The following RNF213 variants were observed in gnomAD, a reference collection of about 807,000 sequenced individuals.
RNF213 encodes the protein E3 ubiquitin-protein ligase RNF213.
Under a neutral mutation model 514.4 loss-of-function variants are expected in RNF213, and 341 were observed. That is an observed-to-expected ratio of 0.66 (90% CI 0.61 to 0.73). The LOEUF is 0.73. RNF213 is among the 30% of genes least tolerant of loss of function. The probability of loss-of-function intolerance (pLI) is 0.00; values close to 1 mark genes in which losing one functional copy is unlikely to be tolerated. For missense variants in RNF213, 5,767 were observed against 6,615.6 expected, an observed-to-expected ratio of 0.87 and a Z score of 4.45; for synonymous variants, 2,655 against 2,658.2, an observed-to-expected ratio of 1.00 and a Z score of 0.04.
At position 80,351,789 on chromosome 17, in the gene RNF213, TG is replaced by T; in HGVS notation, c.10292del (p.Gly3431AlafsTer25). On this transcript the variant is annotated frameshift_variant, in exon 32 of 68. Transcript: ENST00000582970. LOFTEE classifies it high-confidence loss of function. ...CGGGTGGGAAGAGGAACAGCCTATG[TG>T]GGCTTCCACGGAGGTGAGATCAGAA... The part of the protein sequence containing the change: ...LSRVGRGTAY[V>X]GFHGGLWQSV... 1 of 1,581,860 alleles carries T rather than the reference TG, an allele frequency of 6.3e-7. No individual in the cohort carries two copies. Among genetic ancestry groups the T allele is most frequent in the Non-Finnish European group, 8.7e-7 (1 of 1,150,590 alleles).
intron 2 of RNF213, among the ~76,000 whole-genome samples, chr17:80,267,820 TTTTC>T (rs1395298382): frequency 2.8e-5 from 2 of 71,482 alleles, no homozygotes; most frequent in African/African-American, 1.2e-4. Context: ...GCAGATTTTC[TTTTC>T]TTTTTTTTTT....
At position 80,337,976 on chromosome 17, in the gene RNF213, G is replaced by A. The variant is rs1046273810; in HGVS notation, c.4812G>A (p.Thr1604=). 1.7e-5 allele frequency: 26 copies of A among 1,537,188 alleles called. No homozygotes were observed. Among genetic ancestry groups the A allele is most frequent in the Middle Eastern group, 1.7e-4 (1 of 6,012 alleles). Residue 1604 remains threonine, a synonymous_variant, in exon 25 of 68, where the codon ACG becomes ACA. Transcript: ENST00000582970. ...LMSGKKDRNN[T]EVERFSEVFC... ...CTGGCAAGAAGGATCGTAACAACACGGAAGTGGAGAGGTTTTCAGAGGTGA... is the reference window on the plus strand; with the variant it reads ...CTGGCAAGAAGGATCGTAACAACACAGAAGTGGAGAGGTTTTCAGAGGTGA...
chr17:80,371,967 C>G lies in RNF213; in HGVS notation c.12519C>G (p.Leu4173=). 1 of 1,580,274 alleles carries G rather than the reference C, an allele frequency of 6.3e-7. No homozygotes were observed. The highest frequency in any genetic ancestry group is 8.7e-7 in the Non-Finnish European group (1 of 1,149,184). The part of the protein sequence containing the change: ...ITEDKTELYM[L]FINCLEDSIL... ...AAGATAAAACTGAACTGTACATGCT[C>G]TTCATCAACTGCCTGGAGGTAAGTG... Residue 4173 remains leucine (L), a synonymous_variant, in exon 47 of 68, where the codon CTC becomes CTG. Transcript: ENST00000582970.
chr17:80,377,265 C>A lies in RNF213; in HGVS notation c.13510+302C>A. 1 of 453,890 alleles carries A rather than the reference C, an allele frequency of 2.2e-6. No individual in the cohort carries two copies. The highest frequency in any genetic ancestry group is 4.0e-6 in the Non-Finnish European group (1 of 247,796). 28.1% of individuals were successfully genotyped at this position (453,890 alleles called of 1,614,324 possible). A position where few individuals can be genotyped will look rare whatever the true frequency, so the allele number is the denominator to read the frequency against. On this transcript the variant is annotated intron_variant, in intron 53 of 67. Transcript: ENST00000582970. This position sits in a 1 kb window ranked among gnomAD's most constrained non-coding sequence, Gnocchi z 4.1. ...GAGGGACTGGGAACCACATCAGAGA[C>A]GCATTCAAAGGCCCACCACAAAACA...
chr17:80,348,618 A>T (rs1357430574), intron 29 of RNF213, among the ~76,000 whole-genome samples: 1 of 152,398 alleles, frequency 6.6e-6, no homozygotes, highest in Non-Finnish European at 1.5e-5. Context: ...ATTAGGGAGC[A>T]TGGAGAGACC....
At chr17:80,375,993 AC>A in intron 51 of RNF213, 123 bp downstream of exon 51, 2 of 831,592 alleles carry the variant, frequency 2.4e-6, no homozygotes. Flanking sequence ...GAGGTTCTCA[AC>A]CTTGTTATGT....
intron 2 of RNF213, among the ~76,000 whole-genome samples, chr17:80,272,682 C>G (rs1442744159): frequency 6.6e-6 from 1 of 152,202 alleles, no homozygotes; most frequent in African/African-American, 2.4e-5. Flanking sequence ...TGCGTCCACA[C>G]CACAATGAAG....
chr17:80,310,102 G>A (rs1460409023), intron 14 of RNF213, among the ~76,000 whole-genome samples: 3 of 151,874 alleles, frequency 2.0e-5, no homozygotes, highest in Non-Finnish European at 4.4e-5. Flanking sequence ...TTCTGCCTCC[G>A]ACTTTCCCCA....
intron 1 of RNF213, among the ~76,000 whole-genome samples, chr17:80,262,225 G>A (rs1252802466): frequency 6.6e-6 from 1 of 151,940 alleles, no homozygotes; most frequent in African/African-American, 2.4e-5. Context: ...CTGTGGCAGG[G>A]GTAGGGGAGT....
At chr17:80,385,300 C>A in intron 60 of RNF213, 129 bp downstream of exon 60, 2 of 1,198,346 alleles carry the variant, frequency 1.7e-6, no homozygotes, top group Non-Finnish European at 2.4e-6. Flanking sequence ...TAAGCCCTTA[C>A]CATGCGGTGA....
chr17:80,376,290 T>C lies in RNF213; in HGVS notation c.13186-11T>C, dbSNP rs374248262. ...TTGATACATCTTAATGTTAAGTTTT[T>C]TTCCTGTCAGCAATGTGAAGCTGTG... On this transcript the variant is annotated splice_polypyrimidine_tract_variant and intron_variant, in intron 51 of 67. Transcript: ENST00000582970. 32 of 1,614,100 alleles carry C rather than the reference T, an allele frequency of 2.0e-5. No homozygotes were observed. Among genetic ancestry groups the C allele is most frequent in the Non-Finnish European group, 2.6e-5 (31 of 1,180,030 alleles).
chr17:80,290,549 T>C (rs1415976521), intron 6 of RNF213, 21 bp from the exon 7 acceptor site: 2 of 1,613,034 alleles, frequency 1.2e-6, no homozygotes, highest in Non-Finnish European at 1.7e-6. Context: ...GAATCAGATT[T>C]CTGTTTTGGT....
intron 54 of RNF213, among the ~76,000 whole-genome samples, chr17:80,379,179 C>T (rs1454592232): frequency 1.3e-5 from 2 of 151,990 alleles, no homozygotes; most frequent in Non-Finnish European, 2.9e-5. Flanking sequence ...GAGGACAGAG[C>T]GAGGCTCTGT....
intron 50 of RNF213, among the ~76,000 whole-genome samples, chr17:80,375,389 G>C (rs2079706250): frequency 6.6e-6 from 1 of 152,128 alleles, no homozygotes; most frequent in Non-Finnish European, 1.5e-5. Context: ...CAAACTTCGT[G>C]GGCCTCTGGC....
intron 57 of RNF213, 151 bp downstream of exon 57, chr17:80,381,878 C>A: frequency 1.2e-6 from 1 of 802,886 alleles, no homozygotes; most frequent in Non-Finnish European, 2.0e-6. Flanking sequence ...AGAGAGAAAA[C>A]CGTGTCTAGG....
At chr17:80,272,839 G>A (rs757005908) in intron 2 of RNF213, among the ~76,000 whole-genome samples, 6 of 152,150 alleles carry the variant, frequency 3.9e-5, no homozygotes, top group Non-Finnish European at 7.4e-5. Flanking sequence ...CCCCTGGGCC[G>A]CCACTGGGAG....
chr17:80,306,349 C>T lies in RNF213; in HGVS notation c.2308C>T (p.Leu770=). Residue 770 remains leucine (L), a synonymous_variant, in exon 12 of 68, where the codon CTG becomes TTG. Coordinates refer to ENST00000582970, the MANE Select transcript of RNF213 (RefSeq NM_001256071.3). ...SWFSLLPLSH[L]VMYMENFIEH... The stretch of plus-strand genomic sequence containing the variant: ...GTTTAGTCTGCTACCTCTGAGTCAC[C>T]TGGTTATGTATATGGAAAACTTCAT... 6.2e-7 allele frequency: 1 copy of T among 1,614,176 alleles called. No individual in the cohort carries two copies. Among genetic ancestry groups the T allele is most frequent in the Admixed American group, 1.7e-5 (1 of 60,018 alleles).
chr17:80,337,168 A>G (rs897459797), intron 23 of RNF213, among the ~76,000 whole-genome samples: 1 of 152,214 alleles, frequency 6.6e-6, no homozygotes, highest in African/African-American at 2.4e-5. Context: ...GGACCACAGA[A>G]GGACACTGAG....
At position 80,372,691 on chromosome 17, in the gene RNF213, C is replaced by G. The variant is rs145307523; in HGVS notation, c.12708C>G (p.Leu4236=). Residue 4236 remains leucine, a synonymous_variant, in exon 48 of 68, where the codon CTC becomes CTG. Transcript: ENST00000582970. ...LQEVARIRLC[L]DRAADFLSEP... is the part of the protein sequence containing the mutation. ...AGGTGGCCCGGATCCGCCTCTGCCT[C>G]GACAGAGCTGCAGATTTCCTCTCGG... is the stretch of plus-strand genomic sequence containing the variant. 6.2e-7 allele frequency: 1 copy of G among 1,613,790 alleles called. No individual in the cohort carries two copies. Among genetic ancestry groups the G allele is most frequent in the Non-Finnish European group, 8.5e-7 (1 of 1,180,038 alleles).
Sources: gnomAD v4.1 joint callset for allele counts (sites outside exome capture counted in the v4.1 genomes callset) on GRCh38, gnomAD v4.1.1 for gene constraint, Gnocchi (gnomAD v3.1) non-coding constraint, MANE v1.5 for transcripts, NCBI Gene and HGNC (gene_info 2026-07-23, HGNC 2026-07-21) for gene names.